Variants in PDE6C observed in about 807,000 individuals in gnomAD.
PDE6C encodes cone cGMP-specific 3',5'-cyclic phosphodiesterase subunit alpha'.
PDE6C carries 75 observed loss-of-function variants against 113.1 expected under a neutral mutation model. The ratio of observed to expected loss-of-function variants is 0.66; its 90% CI spans 0.55 to 0.80. The LOEUF (loss-of-function observed/expected upper bound fraction) is 0.80. PDE6C is among the 30% of genes least tolerant of loss of function. The probability of loss-of-function intolerance (pLI) is 0.00; values close to 1 mark genes in which losing one functional copy is unlikely to be tolerated. For missense variants in PDE6C, 912 were observed against 1,038.6 expected (o/e 0.88, Z 1.67); for synonymous variants, 375 against 363.7 (o/e 1.03, Z -0.35).
chr10:93,613,316 A>G, intron 1 of PDE6C, 111 bp downstream of exon 1: 1 of 1,448,122 alleles, frequency 6.9e-7, no homozygotes, highest in Non-Finnish European at 9.5e-7. Flanking sequence ...TAACCGGGGG[A>G]ATGTGGGTGG....
Position 93,619,536 on chromosome 10 carries a change from C to T in PDE6C, c.481-1096C>T, listed in dbSNP as rs571401114. Among the ~76,000 whole-genome samples the T allele has an allele frequency of 5.9e-5, 9 of 152,262 alleles. No homozygotes were observed. In the South Asian group the frequency reaches 1.9e-3, roughly 32 times the overall value. On this transcript the variant is annotated intron_variant, in intron 1 of 21. Transcript: ENST00000371447. ...CTGTCTCCCGGGTTCAAGCGACTCC[C>T]CTGCCTCAGCCTCCTGAGTAGCGGA...
intron 18 of PDE6C, among the ~76,000 whole-genome samples, chr10:93,659,633 C>T (rs571653433): frequency 6.6e-6 from 1 of 152,230 alleles, no homozygotes; most frequent in Admixed American, 6.5e-5. Context: ...CAGGGGAACT[C>T]CCCTTTATAA....
chr10:93,662,260 C>G, intron 19 of PDE6C, 127 bp downstream of exon 19: 1 of 732,318 alleles, frequency 1.4e-6, no homozygotes, highest in South Asian at 1.4e-5. Flanking sequence ...GTCAAAAGAT[C>G]GAGACCATCC....
chr10:93,648,283 T>C (rs1199187710), intron 15 of PDE6C, among the ~76,000 whole-genome samples: 1 of 152,236 alleles, frequency 6.6e-6, no homozygotes, highest in East Asian at 1.9e-4. Flanking sequence ...ATACCATCTT[T>C]TCAAGGACCT....
chr10:93,645,813 A>G (rs2058581335), intron 14 of PDE6C, 147 bp from the exon 15 acceptor site: 9 of 653,498 alleles, frequency 1.4e-5, no homozygotes, highest in Admixed American at 2.3e-5. Context: ...TAAATCTAGA[A>G]AATCTTTTCC....
At chr10:93,645,707 T>C (rs1301654464) in intron 14 of PDE6C, among the ~76,000 whole-genome samples, 1 of 152,162 alleles carries the variant, frequency 6.6e-6, no homozygotes, top group African/African-American at 2.4e-5. Context: ...AGAATTTAGA[T>C]ACAAGGAGCT....
At chr10:93,623,559 C>T (rs1046350322) in intron 4 of PDE6C, among the ~76,000 whole-genome samples, 4 of 152,272 alleles carry the variant, frequency 2.6e-5, no homozygotes, top group Admixed American at 2.6e-4. Context: ...CCTAGATCTT[C>T]TATGTCATCT....
intron 21 of PDE6C, among the ~76,000 whole-genome samples, chr10:93,664,996 G>C (rs2058683584): frequency 6.6e-6 from 1 of 152,160 alleles, no homozygotes; most frequent in African/African-American, 2.4e-5. Flanking sequence ...AGCCTCCTGA[G>C]TAGCTGGGAT....
rs56143950 is a variant in PDE6C, at chr10:93,636,368, T to TTGTGTGTGTGTGTG, written c.1414-601_1414-588dup. On this transcript the variant is annotated intron_variant, in intron 10 of 21. Transcript: ENST00000371447. ...CTCTATTTCTTTTATTTCCCTGGCT[T>TTGTGTGTGTGTGTG]TGTGTGTGTGTGTGTGTGTGTGTGT... is the stretch of plus-strand genomic sequence containing the variant. Among the ~76,000 whole-genome samples, 1,096 of 141,306 alleles carry TTGTGTGTGTGTGTG rather than the reference T, an allele frequency of 7.8e-3. 12 individuals are homozygous for TTGTGTGTGTGTGTG. The highest frequency in any genetic ancestry group is 0.017 in the African/African-American group (640 of 36,836). The allele number at this position is 141,306 out of a possible 152,430, so 92.7% of individuals were successfully genotyped here.
Position 93,613,037 on chromosome 10 carries a change from G to C in PDE6C, c.312G>C (p.Arg104=), listed in dbSNP as rs992144807. 2 of 1,614,062 alleles carry C rather than the reference G, an allele frequency of 1.2e-6. No individual in the cohort carries two copies. The highest frequency in any genetic ancestry group is 2.7e-5 in the African/African-American group (2 of 74,914). Residue 104 remains arginine, a synonymous_variant, in exon 1 of 22, where the codon CGG becomes CGC. Coordinates refer to ENST00000371447, the MANE Select transcript of PDE6C (RefSeq NM_006204.4). Reference sequence around the variant, plus strand: ...GCAGCATGTTCCTGTGCCGGTCCCGGAACGGCATACCTGAGGTGGCCTCTA... The same window carrying C: ...GCAGCATGTTCCTGTGCCGGTCCCGCAACGGCATACCTGAGGTGGCCTCTA... ...DRCSMFLCRS[R]NGIPEVASRL...
chr10:93,632,946 G>A (rs1437712374), intron 8 of PDE6C, among the ~76,000 whole-genome samples: 1 of 152,178 alleles, frequency 6.6e-6, no homozygotes, highest in African/African-American at 2.4e-5. Flanking sequence ...TTCCAAAACA[G>A]AAAAGTTCTT....
At chr10:93,639,786 A>G (rs189653734) in intron 11 of PDE6C, among the ~76,000 whole-genome samples, 113 of 152,376 alleles carry the variant, frequency 7.4e-4, no homozygotes, top group African/African-American at 2.5e-3. Context: ...ATTGAAAGAA[A>G]AGAGCTACTG....
chr10:93,636,365 GCT>G (rs753266637), intron 10 of PDE6C, among the ~76,000 whole-genome samples: 1,933 of 23,372 alleles, frequency 0.083, 16 homozygotes, highest in Middle Eastern at 0.19. Context: ...TATTTCCCTG[GCT>G]TTGTGTGTGT....
chr10:93,659,782 T>TG (rs1213562065), intron 18 of PDE6C, among the ~76,000 whole-genome samples: 1 of 152,236 alleles, frequency 6.6e-6, no homozygotes, highest in East Asian at 1.9e-4. Flanking sequence ...ATGAGATTTG[T>TG]GTGGGGACAT....
chr10:93,650,613 T>C (rs2058605510), intron 15 of PDE6C, among the ~76,000 whole-genome samples: 1 of 152,242 alleles, frequency 6.6e-6, no homozygotes, highest in Non-Finnish European at 1.5e-5. Flanking sequence ...GCATTTGACT[T>C]TATTTGAATT....
In PDE6C at chr10:93,619,928, C is replaced by G. The variant is rs182665580; in HGVS notation, c.481-704C>G. Among the ~76,000 whole-genome samples, 385 of 152,166 alleles carry G rather than the reference C, an allele frequency of 2.5e-3. 2 individuals carry two copies. Among genetic ancestry groups the G allele is most frequent in the Admixed American group, 7.7e-3 (118 of 15,300 alleles). ...ACAGTTGAGTGGATCATAAAGCACC[C>G]AGGGTGGAGTAGTGTGCACAAATCT... is the stretch of plus-strand genomic sequence containing the variant. On this transcript the variant is annotated intron_variant, in intron 1 of 21. Transcript: ENST00000371447.
At position 93,637,068 on chromosome 10, in the gene PDE6C, G is replaced by T. The variant is rs573809057; in HGVS notation, c.1482+5G>T. The T allele has an allele frequency of 6.5e-7, 1 of 1,544,880 alleles. No homozygotes were observed. Among genetic ancestry groups the T allele is most frequent in the South Asian group, 1.1e-5 (1 of 89,368 alleles). On this transcript the variant is annotated splice_donor_5th_base_variant and intron_variant, in intron 11 of 21. Coordinates refer to ENST00000371447, the MANE Select transcript of PDE6C (RefSeq NM_006204.4). The stretch of plus-strand genomic sequence containing the variant: ...AAACAACTTGTTGCAATTTTGGTAA[G>T]TGTTTTCTTTCTAACCTTAATGCCT...
intron 1 of PDE6C, among the ~76,000 whole-genome samples, chr10:93,615,597 G>A (rs2058416217): frequency 6.6e-6 from 1 of 152,138 alleles, no homozygotes; most frequent in Non-Finnish European, 1.5e-5. Context: ...GGCCAGGCTG[G>A]TACTGAACTC....
intron 7 of PDE6C, 93 bp downstream of exon 7, chr10:93,626,964 C>A: frequency 8.5e-7 from 1 of 1,170,170 alleles, no homozygotes; most frequent in Non-Finnish European, 1.2e-6. Context: ...AAGAATGCAT[C>A]CAATAAAAGC....
Sources: gnomAD v4.1 joint callset for allele counts (sites outside exome capture counted in the v4.1 genomes callset) on GRCh38, gnomAD v4.1.1 for gene constraint, MANE v1.5 for transcripts, NCBI Gene and HGNC (gene_info 2026-07-23, HGNC 2026-07-21) for gene names.